The following KDM1A variants were observed in gnomAD, a reference collection of about 807,000 sequenced individuals.
The protein encoded by KDM1A is lysine demethylase 1A.
A neutral mutation model predicts 109.4 loss-of-function variants in KDM1A; 49 were observed. The observed-to-expected ratio is 0.45, with a 90% CI of 0.36 to 0.57. KDM1A has a LOEUF of 0.57. KDM1A is among the 20% of genes least tolerant of loss of function. KDM1A has a pLI of 0.00. For missense variants in KDM1A, 668 were observed against 1,116.6 expected, an observed-to-expected ratio of 0.60 and a Z score of 5.73; for synonymous variants, 380 against 415.4, an observed-to-expected ratio of 0.91 and a Z score of 1.04.
At chr1:23,030,824 T>C (rs1174852661) in intron 2 of KDM1A, among the ~76,000 whole-genome samples, 190 bp downstream of exon 2, 7 of 152,096 alleles carry the variant, frequency 4.6e-5, no homozygotes, top group Admixed American at 3.3e-4. Context: ...TGTATACACA[T>C]AGATACGTAC....
rs750270450 is a variant in KDM1A at position 23,019,882 on chromosome 1, C to G, written c.286C>G (p.Pro96Ala). 5 of 1,563,120 alleles carry G rather than the reference C, an allele frequency of 3.2e-6. No homozygotes were observed. The highest frequency in any genetic ancestry group is 4.3e-6 in the Non-Finnish European group (5 of 1,157,770). Residue 96 changes from proline to alanine, a missense_variant, in exon 1 of 21, where the codon CCC (proline) becomes GCC (alanine). This residue lies in a region of KDM1A where 156 missense variants were observed against 163.4 expected (regional missense o/e 0.95). Transcript: ENST00000400181. ...TACTGTCGTGCCTGGGTCTGCGACC[C>G]CCATGGAAACTGGAATAGCAGAGAC... ...GPTVVPGSAT[P>A]METGIAETPE... is the part of the protein sequence containing the mutation.
At chr1:23,065,772 T>C (rs142272581) in intron 9 of KDM1A, among the ~76,000 whole-genome samples, 1 of 152,304 alleles carries the variant, frequency 6.6e-6, no homozygotes, top group African/African-American at 2.4e-5. Context: ...TTTCCTCTTT[T>C]GAGTTTTGCT....
Position 23,083,647 on chromosome 1 carries a change from GT to G in KDM1A, c.*293del, listed in dbSNP as rs1178609386. 27 of 200,584 alleles carry G rather than the reference GT, an allele frequency of 1.3e-4. No homozygotes were observed. The highest frequency in any genetic ancestry group is 4.2e-4 in the East Asian group (4 of 9,546). The allele number at this position is 200,584 out of a possible 1,614,324, so 12.4% of individuals were successfully genotyped here. Reference sequence around the variant, plus strand: ...TAGTCCCTTGGTGTGTGGGGTTTTTGTTTTTTTTTTATATTTTGAGAATAAA... The same window carrying G: ...TAGTCCCTTGGTGTGTGGGGTTTTTGTTTTTTTTTATATTTTGAGAATAAA... On this transcript the variant is annotated 3_prime_UTR_variant, in exon 21 of 21. Coordinates refer to ENST00000400181, the MANE Select transcript of KDM1A (RefSeq NM_001009999.3).
chr1:23,051,784 C>G (rs1350009654), intron 4 of KDM1A, among the ~76,000 whole-genome samples: 1 of 152,194 alleles, frequency 6.6e-6, no homozygotes, highest in Non-Finnish European at 1.5e-5. Flanking sequence ...ATTGATATGT[C>G]TGCTTTTTAG....
chr1:23,021,515 T>G (rs1399083469), intron 1 of KDM1A, among the ~76,000 whole-genome samples: 3 of 152,010 alleles, frequency 2.0e-5, no homozygotes, highest in Non-Finnish European at 4.4e-5. Flanking sequence ...ATACAAAAAA[T>G]TAGCCGGGCG....
At chr1:23,027,445 G>A (rs1325272743) in intron 1 of KDM1A, among the ~76,000 whole-genome samples, 12 of 128,656 alleles carry the variant, frequency 9.3e-5, no homozygotes, top group African/African-American at 2.9e-4. Flanking sequence ...ACAGGGTCTC[G>A]ACTCTGTCAC....
chr1:23,081,379 C>G, intron 18 of KDM1A, 67 bp from the exon 19 acceptor site: 1 of 1,576,028 alleles, frequency 6.3e-7, no homozygotes, highest in Non-Finnish European at 8.7e-7. Flanking sequence ...TAAGGTGGGG[C>G]CTGATAAGGA....
intron 1 of KDM1A, among the ~76,000 whole-genome samples, chr1:23,030,095 C>T (rs1557504616): frequency 6.6e-6 from 1 of 152,184 alleles, no homozygotes; most frequent in African/African-American, 2.4e-5. Context: ...TTTAGACAGA[C>T]TTGGTATTCT....
rs1038667833 is a variant in KDM1A, at chr1:23,071,123, T to G, written c.1414-102T>G. 4 of 860,934 alleles carry G rather than the reference T, an allele frequency of 4.6e-6. No homozygotes were observed. The East Asian group carries it at 7.5e-5, about 16-fold the overall frequency. The allele number at this position is 860,934 out of a possible 1,614,324, so 53.3% of individuals were successfully genotyped here. On this transcript the variant is annotated intron_variant, in intron 12 of 20. Transcript: ENST00000400181. ...CAGGACCTTGCATTGTAGCCCTGTT[T>G]TGTTGGGATAGCAGTTTTGAGGAGC...
At position 23,079,407 on chromosome 1, in the gene KDM1A, A is replaced by T. The variant is rs1643556997; in HGVS notation, c.2056-146A>T. On this transcript the variant is annotated intron_variant, in intron 17 of 20. Coordinates refer to ENST00000400181, the MANE Select transcript of KDM1A (RefSeq NM_001009999.3). The surrounding 1 kb of genome is among the most constrained non-coding windows in gnomAD (Gnocchi z 5.6). Reference sequence around the variant, plus strand: ...GGTCATTTCACAAACTCAGGCCTATAAAAAGGGGATCGTAAATGTCATCCT... The same window carrying T: ...GGTCATTTCACAAACTCAGGCCTATTAAAAGGGGATCGTAAATGTCATCCT... 1 of 717,492 alleles carries T rather than the reference A, an allele frequency of 1.4e-6. No individual in the cohort carries two copies. Among genetic ancestry groups the T allele is most frequent in the Non-Finnish European group, 2.3e-6 (1 of 430,952 alleles). 44.4% of individuals were successfully genotyped at this position (717,492 alleles called of 1,614,324 possible). A position where few individuals can be genotyped will look rare whatever the true frequency, so the allele number is the denominator to read the frequency against.
Position 23,079,602 on chromosome 1 carries a change from TC to T in KDM1A, c.2106del (p.Phe702LeufsTer29). 1 of 1,614,046 alleles carries T rather than the reference TC, an allele frequency of 6.2e-7. No individual in the cohort carries two copies. The highest frequency in any genetic ancestry group is 8.5e-7 in the Non-Finnish European group (1 of 1,179,952). On this transcript the variant is annotated frameshift_variant, in exon 18 of 21. Transcript: ENST00000400181. LOFTEE classifies it high-confidence loss of function. The surrounding 1 kb of genome is among the most constrained non-coding windows in gnomAD (Gnocchi z 5.6). The part of the protein sequence containing the change: ...RVFWDPSVNL[F>X]GHVGSTTASR... ...TTCTGGGATCCAAGTGTCAATTTGT[TC>T]GGGCATGTTGGCAGTACGACTGCCA... is the stretch of plus-strand genomic sequence containing the variant.
chr1:23,055,259 T>C, intron 6 of KDM1A, 98 bp downstream of exon 6: 1 of 527,080 alleles, frequency 1.9e-6, no homozygotes, highest in East Asian at 3.0e-5. Context: ...TTTATTTTGA[T>C]TCATAAGACT....
chr1:23,047,974 T>A (rs1642550724), intron 3 of KDM1A, among the ~76,000 whole-genome samples: 1 of 152,064 alleles, frequency 6.6e-6, no homozygotes, highest in Non-Finnish European at 1.5e-5. Flanking sequence ...TTATCCTACA[T>A]GATTTTTCTG....
At chr1:23,064,352 T>C (rs564161723) in intron 9 of KDM1A, among the ~76,000 whole-genome samples, 1 of 152,224 alleles carries the variant, frequency 6.6e-6, no homozygotes, top group Non-Finnish European at 1.5e-5. Context: ...CTTAATCTTC[T>C]GCTTTACCAT....
chr1:23,082,125 A>G, intron 19 of KDM1A, 95 bp from the exon 20 acceptor site: 2 of 1,343,518 alleles, frequency 1.5e-6, no homozygotes, highest in Non-Finnish European at 2.1e-6. Context: ...CTTTCTCTTC[A>G]CTTGCATCTC....
In KDM1A at chr1:23,059,086, G is replaced by T; in HGVS notation, c.1086G>T (p.Met362Ile). 6.2e-7 allele frequency: 1 copy of T among 1,609,824 alleles called. No homozygotes were observed. The highest frequency in any genetic ancestry group is 8.5e-7 in the Non-Finnish European group (1 of 1,178,478). The change falls in exon 9 of 21, where the codon ATG becomes ATT. Residue 362 changes from methionine to isoleucine, a missense_variant. Physicochemically the swap from Met to Ile is conservative, Grantham distance 10. Transcript: ENST00000400181. ...MVVTGLGGNP[M>I]AVVSKQVNME... ...GTTTTTTTCTAGGAGGGAATCCTAT[G>T]GCTGTGGTCAGCAAACAAGTAAATA... is the stretch of plus-strand genomic sequence containing the variant.
intron 8 of KDM1A, 116 bp downstream of exon 8, chr1:23,057,681 G>A (rs879774234): frequency 4.2e-6 from 3 of 719,800 alleles, no homozygotes; most frequent in African/African-American, 1.8e-5. Flanking sequence ...CTTCCGTTTA[G>A]TGAGAGGTAT....
chr1:23,030,759 C>G (rs1641956838), intron 2 of KDM1A, 125 bp downstream of exon 2: 1 of 984,226 alleles, frequency 1.0e-6, no homozygotes, highest in Admixed American at 2.9e-5. Flanking sequence ...GATATTGAGT[C>G]TCCTGCCATG....
intron 1 of KDM1A, chr1:23,020,201 G>GT (rs1414570188): frequency 5.1e-6 from 2 of 390,178 alleles, no homozygotes; most frequent in East Asian, 7.8e-5. Flanking sequence ...GCTGGGAGGG[G>GT]TATTTTATTC....
Sources: allele counts gnomAD v4.1 joint callset (sites outside exome capture counted in the v4.1 genomes callset), GRCh38; gene constraint gnomAD v4.1.1; regional missense constraint gnomAD v4.1.1; non-coding constraint Gnocchi (gnomAD v3.1); transcripts MANE v1.5; gene names NCBI Gene and HGNC (gene_info 2026-07-23, HGNC 2026-07-21).